Variants in BAHCC1 observed in about 807,000 individuals in gnomAD.
BAHCC1 encodes the protein BAH domain and coiled-coil containing 1.
BAHCC1 carries 43 observed loss-of-function variants against 88.2 expected under a neutral mutation model. The observed-to-expected ratio is 0.49, with a 90% confidence interval of 0.38 to 0.63. The LOEUF (loss-of-function observed/expected upper bound fraction) is 0.63, where lower values mean the gene tolerates loss of function less well. Among genes scored for constraint, BAHCC1 ranks in the 20% least tolerant of loss-of-function variants. The probability of loss-of-function intolerance (pLI) is 0.00; values close to 1 mark genes in which losing one functional copy is unlikely to be tolerated. For synonymous variants in BAHCC1, 1,510 were observed against 745.5 expected (o/e 2.03, Z -16.71); for missense variants, 3,023 against 1,654.8 (o/e 1.83, Z -14.34).
chr17:81,406,092 C>A (rs1052191366), intron 2 of BAHCC1, among the ~76,000 whole-genome samples: 4 of 152,220 alleles, frequency 2.6e-5, no homozygotes, highest in Non-Finnish European at 4.4e-5. Context: ...ACAGAAGCTG[C>A]CTGCCTTCTT....
chr17:81,457,013 C>T (rs1555657486), intron 16 of BAHCC1, among the ~76,000 whole-genome samples: 1 of 152,162 alleles, frequency 6.6e-6, no homozygotes, highest in African/African-American at 2.4e-5. Flanking sequence ...TTTCTTCTGC[C>T]AGCCCCTTCC....
intron 1 of BAHCC1, among the ~76,000 whole-genome samples, chr17:81,397,373 C>A (rs1555645068): frequency 7.0e-6 from 1 of 143,802 alleles, no homozygotes; most frequent in Admixed American, 6.9e-5. Flanking sequence ...GCTTTCTCAA[C>A]TTTGAAATTT....
chr17:81,395,676 T>A (rs1392652117), intron 1 of BAHCC1, 41 bp downstream of exon 1: 1 of 151,976 alleles, frequency 6.6e-6, no homozygotes, highest in African/African-American at 2.4e-5. Context: ...TTTGTTTTTG[T>A]ATTTTTATTA....
At position 81,434,619 on chromosome 17, in the gene BAHCC1, C is replaced by T. The variant is rs1477665345; in HGVS notation, c.359-3751C>T. Among the ~76,000 whole-genome samples, 1 of 152,094 alleles carries T rather than the reference C, an allele frequency of 6.6e-6. No homozygotes were observed. Among genetic ancestry groups the T allele is most frequent in the Non-Finnish European group, 1.5e-5 (1 of 67,990 alleles). Reference sequence around the variant, plus strand: ...CCTGACCCCCCAGGTGATCTTGGTCCTTCTGCTGGCTGGCGTCCCTCCCTC... The same window carrying T: ...CCTGACCCCCCAGGTGATCTTGGTCTTTCTGCTGGCTGGCGTCCCTCCCTC... On this transcript the variant is annotated intron_variant, in intron 3 of 27. Transcript: ENST00000675386. The surrounding 1 kb of genome is among the most constrained non-coding windows in gnomAD (Gnocchi z 4.9).
chr17:81,461,168 G>A lies in BAHCC1; in HGVS notation c.6505G>A (p.Val2169Ile), dbSNP rs782086121. The change falls in exon 26 of 28, where the codon GTC becomes ATC. Residue 2169 changes from valine (V) to isoleucine (I), a missense_variant. Coordinates refer to ENST00000675386, the MANE Select transcript of BAHCC1 (RefSeq NM_001377448.1). ...SSLASSYAPF[V>I]GGTGPGLPRG... ...CCTGGCCAGCTCCTACGCGCCCTTCGTCGGGGGGACCGGGCCGGGCCTCCC... is the reference window on the plus strand; with the variant it reads ...CCTGGCCAGCTCCTACGCGCCCTTCATCGGGGGGACCGGGCCGGGCCTCCC... 18 of 755,016 alleles carry A rather than the reference G, an allele frequency of 2.4e-5. No individual in the cohort carries two copies. Among genetic ancestry groups the A allele is most frequent in the Admixed American group, 1.2e-4 (7 of 57,122 alleles). The allele number at this position is 755,016 out of a possible 1,614,324, so 46.8% of individuals were successfully genotyped here.
rs1223888952 is a variant in BAHCC1 at position 81,442,899 on chromosome 17, C to A, written c.1550C>A (p.Pro517His). ...CAGGACCCGCTGGGCGGGAAGGCCC[C>A]CCAGGCCTGCTGCACTTTAGATAAG... ...GHQDPLGGKA[P>H]QACCTLDKTV... The change falls in exon 5 of 28, where the codon CCC becomes CAC. Residue 517 changes from proline to histidine, a missense_variant. Coordinates refer to ENST00000675386, the MANE Select transcript of BAHCC1 (RefSeq NM_001377448.1). 1 of 779,254 alleles carries A rather than the reference C, an allele frequency of 1.3e-6. No individual in the cohort carries two copies. Among genetic ancestry groups the A allele is most frequent in the Non-Finnish European group, 2.4e-6 (1 of 417,836 alleles). 48.3% of individuals were successfully genotyped at this position (779,254 alleles called of 1,614,324 possible). A position where few individuals can be genotyped will look rare whatever the true frequency, so the allele number is the denominator to read the frequency against.
At position 81,441,985 on chromosome 17, in the gene BAHCC1, C is replaced by A; in HGVS notation, c.636C>A (p.Pro212=). The part of the protein sequence containing the change: ...RGEAGSLQKG[P]KDFDRFLVGK... ...AGGCAGGCTCCCTGCAGAAGGGCCC[C>A]AAGGACTTCGACCGCTTCCTCGTGG... Residue 212 remains proline, a synonymous_variant, in exon 5 of 28, where the codon CCC becomes CCA. Coordinates refer to ENST00000675386, the MANE Select transcript of BAHCC1 (RefSeq NM_001377448.1). 1.3e-6 allele frequency: 1 copy of A among 751,324 alleles called. No individual in the cohort carries two copies. The highest frequency in any genetic ancestry group is 1.4e-5 in the South Asian group (1 of 72,548). 46.5% of individuals were successfully genotyped at this position (751,324 alleles called of 1,614,324 possible). A position where few individuals can be genotyped will look rare whatever the true frequency, so the allele number is the denominator to read the frequency against.
At chr17:81,419,730 G>A (rs1335404559) in intron 2 of BAHCC1, among the ~76,000 whole-genome samples, 1 of 151,926 alleles carries the variant, frequency 6.6e-6, no homozygotes, top group Non-Finnish European at 1.5e-5. Context: ...AGCAGCGGGA[G>A]CCGGGAGCCT....
intron 2 of BAHCC1, among the ~76,000 whole-genome samples, chr17:81,407,602 C>T (rs1791247635): frequency 6.6e-6 from 1 of 152,240 alleles, no homozygotes; most frequent in African/African-American, 2.4e-5. Context: ...AGGGGCTGCG[C>T]TGTGGGGCAG....
intron 18 of BAHCC1, 40 bp from the exon 19 acceptor site, chr17:81,458,581 C>T (rs1555658152): frequency 1.4e-6 from 1 of 695,704 alleles, no homozygotes; most frequent in Non-Finnish European, 2.7e-6. Flanking sequence ...GAGGCTGTCC[C>T]ACCCTTGACT....
In BAHCC1 at chr17:81,458,436, C is replaced by A. The variant is rs1346846296; in HGVS notation, c.5313C>A (p.Arg1771=). The A allele has an allele frequency of 1.4e-6, 1 of 737,518 alleles. No homozygotes were observed. Among genetic ancestry groups the A allele is most frequent in the Non-Finnish European group, 2.5e-6 (1 of 400,602 alleles). The allele number at this position is 737,518 out of a possible 1,614,324, so 45.7% of individuals were successfully genotyped here. ...GTGAGCGCCTCAAGAGGGCCACGCGCAAGGGCACAGTGCTGCAGCCAGTGC... is the reference window on the plus strand; with the variant it reads ...GTGAGCGCCTCAAGAGGGCCACGCGAAAGGGCACAGTGCTGCAGCCAGTGC... ...LASERLKRAT[R]KGTVLQPVLR... The change falls in exon 18 of 28, where the codon CGC becomes CGA. Residue 1771 remains arginine (R), a synonymous_variant. Transcript: ENST00000675386.
intron 2 of BAHCC1, among the ~76,000 whole-genome samples, chr17:81,413,459 C>T (rs1031167969): frequency 6.6e-6 from 1 of 152,170 alleles, no homozygotes; most frequent in Non-Finnish European, 1.5e-5. Context: ...TCCCCCCACA[C>T]CACACCACCG....
chr17:81,448,997 G>T (rs546674338), intron 11 of BAHCC1, among the ~76,000 whole-genome samples: 2 of 152,330 alleles, frequency 1.3e-5, no homozygotes, highest in African/African-American at 4.8e-5. Context: ...GGGTCTCAGG[G>T]ACCCTCACCT....
In BAHCC1 at chr17:81,435,359, C is replaced by G; in HGVS notation, c.359-3011C>G. 2.2e-6 allele frequency: 1 copy of G among 453,410 alleles called. No individual in the cohort carries two copies. Among genetic ancestry groups the G allele is most frequent in the South Asian group, 1.6e-5 (1 of 63,832 alleles). The allele number at this position is 453,410 out of a possible 1,614,324, so 28.1% of individuals were successfully genotyped here. On this transcript the variant is annotated intron_variant, in intron 3 of 27. Transcript: ENST00000675386. This position sits in a 1 kb window ranked among gnomAD's most constrained non-coding sequence, Gnocchi z 4.4. ...CAGGACTGAGTTTGGAGTCTCCTGCCCACCGCAGTAGCAGGGGCAGGATGT... is the reference window on the plus strand; with the variant it reads ...CAGGACTGAGTTTGGAGTCTCCTGCGCACCGCAGTAGCAGGGGCAGGATGT...
Position 81,412,999 on chromosome 17 carries a change from G to A in BAHCC1, c.178+13082G>A, listed in dbSNP as rs1022801312. On this transcript the variant is annotated intron_variant, in intron 2 of 27. Transcript: ENST00000675386. Reference sequence around the variant, plus strand: ...GCGGGTGCGGCCTCACCTTGCGGGGGCAGTGGGTGGGTGTCACTTCCTCCA... The same window carrying A: ...GCGGGTGCGGCCTCACCTTGCGGGGACAGTGGGTGGGTGTCACTTCCTCCA... 26 of 298,086 alleles carry A rather than the reference G, an allele frequency of 8.7e-5. 1 individual carries two copies. Among genetic ancestry groups the A allele is most frequent in the Middle Eastern group, 4.1e-4 (1 of 2,424 alleles). 18.5% of individuals were successfully genotyped at this position (298,086 alleles called of 1,614,324 possible).
chr17:81,418,116 T>C (rs887525866), intron 2 of BAHCC1, among the ~76,000 whole-genome samples: 16 of 152,152 alleles, frequency 1.1e-4, no homozygotes, highest in Non-Finnish European at 2.1e-4. Flanking sequence ...GAGGCAACAG[T>C]AAGCAGGGCG....
chr17:81,424,157 T>TG (rs2064147431), intron 2 of BAHCC1, among the ~76,000 whole-genome samples: 1 of 152,192 alleles, frequency 6.6e-6, no homozygotes, highest in African/African-American at 2.4e-5. Flanking sequence ...CGCCTGAGAC[T>TG]GGGGCACTCC....
rs577452383 is a variant in BAHCC1 at position 81,457,810 on chromosome 17, C to T, written c.5041+218C>T. On this transcript the variant is annotated intron_variant, in intron 17 of 27. Coordinates refer to ENST00000675386, the MANE Select transcript of BAHCC1 (RefSeq NM_001377448.1). ...GGGAGGGCAGGGGTTGCTGGGTAAC[C>T]GGGGGGAGGGCAGGGGTTGCTGGGT... is the stretch of plus-strand genomic sequence containing the variant. Among the ~76,000 whole-genome samples the T allele has an allele frequency of 1.7e-3, 75 of 44,614 alleles. 3 individuals carry two copies. The highest frequency in any genetic ancestry group is 2.2e-3 in the Non-Finnish European group (54 of 25,094). The allele number at this position is 44,614 out of a possible 152,430, so 29.3% of individuals were successfully genotyped here. A position where few individuals can be genotyped will look rare whatever the true frequency, so the allele number is the denominator to read the frequency against.
intron 4 of BAHCC1, among the ~76,000 whole-genome samples, chr17:81,439,450 G>A (rs2064381592): frequency 6.6e-6 from 1 of 152,036 alleles, no homozygotes; most frequent in Admixed American, 6.5e-5. Context: ...GGGTGCACCT[G>A]GGGAGCAGCA....
Sources: gnomAD v4.1 joint callset for allele counts (sites outside exome capture counted in the v4.1 genomes callset) on GRCh38, gnomAD v4.1.1 for gene constraint, Gnocchi (gnomAD v3.1) non-coding constraint, MANE v1.5 for transcripts, NCBI Gene and HGNC (gene_info 2026-07-23, HGNC 2026-07-21) for gene names.